B3GALT1: variants seen among roughly 807,000 people sequenced by gnomAD.
B3GALT1 encodes UDP-Gal:betaGlcNAc beta 1,3-galactosyltransferase, polypeptide 1.
B3GALT1 carries 10 observed loss-of-function variants against 23.2 expected under a neutral mutation model. That is an observed-to-expected ratio of 0.43 (90% CI 0.27 to 0.73). B3GALT1 has a LOEUF of 0.73. B3GALT1 is among the 30% of genes least tolerant of loss of function. The pLI is 0.21. For missense variants in B3GALT1, 299 were observed against 405.4 expected, an observed-to-expected ratio of 0.74 and a Z score of 2.25; for synonymous variants, 156 against 141.5, an observed-to-expected ratio of 1.10 and a Z score of -0.73.
chr2:167,374,419 GT>G (rs1263325977), intron 1 of B3GALT1, among the ~76,000 whole-genome samples: 2 of 152,174 alleles, frequency 1.3e-5, no homozygotes, highest in Non-Finnish European at 2.9e-5. Flanking sequence ...TCTGTTTTAA[GT>G]TTTTTGATAA....
chr2:167,712,909 A>T (rs1189027198), intron 3 of B3GALT1, among the ~76,000 whole-genome samples: 1 of 152,242 alleles, frequency 6.6e-6, no homozygotes, highest in South Asian at 2.1e-4. Flanking sequence ...AGCTGCAATG[A>T]TTAGTTTCTC....
intron 3 of B3GALT1, among the ~76,000 whole-genome samples, chr2:167,694,380 A>G (rs1686760147): frequency 1.3e-5 from 2 of 152,120 alleles, no homozygotes; most frequent in Non-Finnish European, 2.9e-5. Flanking sequence ...TTTGGCTTAT[A>G]CCTCAAGAGA....
intron 3 of B3GALT1, among the ~76,000 whole-genome samples, chr2:167,711,896 A>G (rs1574225912): frequency 6.6e-6 from 1 of 152,140 alleles, no homozygotes; most frequent in Non-Finnish European, 1.5e-5. Context: ...TCAGCTGGGG[A>G]GGTGGAGGTT....
rs186962416 is a variant in B3GALT1, at chr2:167,803,198, C to G, written c.-351-15474C>G. 2.2e-3 allele frequency among the ~76,000 whole-genome samples: 327 copies of G among 151,658 alleles called. 2 individuals carry two copies. The highest frequency in any genetic ancestry group is 8.5e-3 in the Admixed American group (130 of 15,220). ...CAGGAAAGTCTACTTAGAGCCAATC[C>G]TTAAAAAAATTGTGGTGAAGCAACA... On this transcript the variant is annotated intron_variant, in intron 3 of 4. Coordinates refer to ENST00000392690, the MANE Select transcript of B3GALT1 (RefSeq NM_020981.4).
rs534476410 is a variant in B3GALT1, at chr2:167,685,195, C to A, written c.-352+38229C>A. ...AATAACCTGAAAGTCTGTCAGTCTG[C>A]AAATATTTATTAAGCACATAAGTGT... is the stretch of plus-strand genomic sequence containing the variant. On this transcript the variant is annotated intron_variant, in intron 3 of 4. Coordinates refer to ENST00000392690, the MANE Select transcript of B3GALT1 (RefSeq NM_020981.4). Among the ~76,000 whole-genome samples the A allele has an allele frequency of 2.0e-5, 3 of 152,272 alleles. No homozygotes were observed. The South Asian group carries it at 6.2e-4, about 32-fold the overall frequency.
intron 1 of B3GALT1, among the ~76,000 whole-genome samples, chr2:167,420,018 C>T (rs992181674): frequency 2.0e-5 from 3 of 152,168 alleles, no homozygotes; most frequent in African/African-American, 4.8e-5. Context: ...TGGGATCCCT[C>T]TTATAAGATT....
At chr2:167,537,086 A>T (rs1181606480) in intron 2 of B3GALT1, among the ~76,000 whole-genome samples, 1 of 152,162 alleles carries the variant, frequency 6.6e-6, no homozygotes, top group East Asian at 1.9e-4. Flanking sequence ...TAAAGGAAAG[A>T]GGTTTAATTG....
chr2:167,474,868 T>C (rs550194783), intron 1 of B3GALT1, among the ~76,000 whole-genome samples: 16 of 152,174 alleles, frequency 1.1e-4, no homozygotes, highest in Non-Finnish European at 1.9e-4. Context: ...AATGTGATTA[T>C]AAAGTGATTC....
chr2:167,690,120 G>A (rs1686686294), intron 3 of B3GALT1, among the ~76,000 whole-genome samples: 1 of 152,016 alleles, frequency 6.6e-6, no homozygotes, highest in African/African-American at 2.4e-5. Context: ...ACCATTAACT[G>A]TGATTTGAGC....
intron 2 of B3GALT1, among the ~76,000 whole-genome samples, chr2:167,615,003 AAAAT>A (rs1685134328): frequency 6.6e-6 from 1 of 152,050 alleles, no homozygotes; most frequent in African/African-American, 2.4e-5. Flanking sequence ...CAGGAGTTTA[AAAAT>A]AAATAATGTT....
intron 1 of B3GALT1, among the ~76,000 whole-genome samples, chr2:167,479,231 G>A (rs1699529553): frequency 6.6e-6 from 1 of 152,030 alleles, no homozygotes; most frequent in Non-Finnish European, 1.5e-5. Context: ...ATTAAATGAG[G>A]TGGTACAGGC....
chr2:167,863,102 G>T (rs559152700), intron 4 of B3GALT1, among the ~76,000 whole-genome samples: 16 of 152,092 alleles, frequency 1.1e-4, no homozygotes, highest in Admixed American at 2.6e-4. Flanking sequence ...TGTTAAAAAA[G>T]ATTTTTTTTT....
chr2:167,663,769 G>A (rs1018997243), intron 3 of B3GALT1, among the ~76,000 whole-genome samples: 42 of 152,198 alleles, frequency 2.8e-4, no homozygotes, highest in African/African-American at 8.9e-4. Flanking sequence ...CTTTTGAGAA[G>A]TCTCTGTTCA....
At chr2:167,371,189 A>AT (rs544507824) in intron 1 of B3GALT1, among the ~76,000 whole-genome samples, 9,239 of 147,274 alleles carry the variant, frequency 0.063, 478 homozygotes, top group African/African-American at 0.15. Context: ...AGGGCAGGTG[A>AT]TTTTTTTTTT....
intron 3 of B3GALT1, among the ~76,000 whole-genome samples, chr2:167,753,426 C>G (rs1687770436): frequency 6.6e-6 from 1 of 152,198 alleles, no homozygotes; most frequent in South Asian, 2.1e-4. Flanking sequence ...TGGTCAGGCT[C>G]TGAGGTTCCT....
chr2:167,329,454 G>A (rs2105238507), intron 1 of B3GALT1, among the ~76,000 whole-genome samples: 1 of 152,318 alleles, frequency 6.6e-6, no homozygotes, highest in African/African-American at 2.4e-5. Flanking sequence ...TAAGAAGAGT[G>A]TGTATTCTGC....
chr2:167,586,594 A>G (rs1356527778), intron 2 of B3GALT1, among the ~76,000 whole-genome samples: 3 of 152,178 alleles, frequency 2.0e-5, no homozygotes, highest in African/African-American at 7.2e-5. Flanking sequence ...CTACCACGCC[A>G]GGCCAAAAGT....
chr2:167,765,659 C>T, intron 3 of B3GALT1, among the ~76,000 whole-genome samples: 1 of 152,184 alleles, frequency 6.6e-6, no homozygotes, highest in Middle Eastern at 3.4e-3. Context: ...ATACAAGGAG[C>T]AAATAAATTT....
chr2:167,784,001 G>A (rs1395877790), intron 3 of B3GALT1, among the ~76,000 whole-genome samples: 2 of 152,144 alleles, frequency 1.3e-5, no homozygotes, highest in East Asian at 1.9e-4. Context: ...GTTGTAAAAC[G>A]CTATGAAGTA....
Sources: allele counts gnomAD v4.1 joint callset (sites outside exome capture counted in the v4.1 genomes callset), GRCh38; gene constraint gnomAD v4.1.1; transcripts MANE v1.5; gene names NCBI Gene and HGNC (gene_info 2026-07-23, HGNC 2026-07-21).